Variants in SLC8A1 observed in about 807,000 individuals in gnomAD.
SLC8A1 encodes the protein sodium/calcium exchanger 1.
In SLC8A1, 18 loss-of-function variants were observed where a neutral mutation model predicts 68.3. That is an observed-to-expected ratio of 0.26 (90% CI 0.18 to 0.39). The LOEUF (loss-of-function observed/expected upper bound fraction) is 0.39, where lower values mean the gene tolerates loss of function less well. SLC8A1 is among the 10% of genes least tolerant of loss of function. The pLI, the probability that SLC8A1 is intolerant of heterozygous loss-of-function variation, is 1.00. For missense variants in SLC8A1, 985 were observed against 1,156.7 expected, an observed-to-expected ratio of 0.85 and a Z score of 2.15; for synonymous variants, 475 against 415.5, an observed-to-expected ratio of 1.14 and a Z score of -1.74.
intron 2 of SLC8A1, among the ~76,000 whole-genome samples, chr2:40,400,168 T>C (rs1298297531): frequency 6.6e-6 from 1 of 152,186 alleles, no homozygotes; most frequent in Non-Finnish European, 1.5e-5. Context: ...AGCTCGGCTC[T>C]TGAGACAGGA....
At chr2:40,444,198 G>A (rs539711668) in intron 1 of SLC8A1, among the ~76,000 whole-genome samples, 14 of 152,130 alleles carry the variant, frequency 9.2e-5, no homozygotes, top group African/African-American at 3.4e-4. Context: ...AATTAGCCAG[G>A]CACAGTGACA....
At chr2:40,337,666 T>A (rs1346365448) in intron 2 of SLC8A1, among the ~76,000 whole-genome samples, 2 of 152,160 alleles carry the variant, frequency 1.3e-5, no homozygotes, top group Non-Finnish European at 2.9e-5. Context: ...AGGTTTCCAT[T>A]CCATTTATTT....
At chr2:40,103,372 G>A (rs936215647) in exon 8 of SLC8A1, 2 of 152,142 alleles carry the variant, frequency 1.3e-5, no homozygotes, top group Non-Finnish European at 1.5e-5. Flanking sequence ...TGAGATTTAA[G>A]TCTTTTGTGA....
At chr2:40,371,584 A>G (rs943003406) in intron 2 of SLC8A1, among the ~76,000 whole-genome samples, 6 of 152,152 alleles carry the variant, frequency 3.9e-5, no homozygotes, top group African/African-American at 1.2e-4. Context: ...GTAAAGCACA[A>G]TACATAGTCA....
At chr2:40,456,247 C>T (rs552340958), upstream of SLC8A1, among the ~76,000 whole-genome samples, 10 of 137,538 alleles carry the variant, frequency 7.3e-5, no homozygotes, top group Admixed American at 2.5e-4. Context: ...ACCCAGGAGG[C>T]GGAGCTTGCA....
At chr2:40,132,913 T>A (rs1315763601) in intron 7 of SLC8A1, among the ~76,000 whole-genome samples, 5 of 152,216 alleles carry the variant, frequency 3.3e-5, no homozygotes, top group African/African-American at 1.2e-4. Context: ...GCTCAAAACT[T>A]TTCCCATTTA....
Position 40,345,897 on chromosome 2 carries a change from G to A in SLC8A1, c.1808+82576C>T, listed in dbSNP as rs144947627. Among the ~76,000 whole-genome samples the A allele has an allele frequency of 2.2e-3, 329 of 151,962 alleles. 2 individuals are homozygous for A. The highest frequency in any genetic ancestry group is 5.6e-3 in the East Asian group (29 of 5,170). On this transcript the variant is annotated intron_variant, in intron 2 of 7. Transcript: ENST00000406785. ...ATTAGGACAAATACCTAATGCACGC[G>A]GAGCTTAAAACCTAAATTACAGGTT...
intron 2 of SLC8A1, among the ~76,000 whole-genome samples, chr2:40,233,920 T>C (rs936316135): frequency 3.3e-5 from 5 of 151,818 alleles, no homozygotes; most frequent in Non-Finnish European, 7.4e-5. Context: ...TATGCGGCAT[T>C]ATTTCTGAGG....
intron 1 of SLC8A1, among the ~76,000 whole-genome samples, chr2:40,502,047 A>G (rs540890301): frequency 6.6e-6 from 1 of 152,212 alleles, no homozygotes; most frequent in South Asian, 2.1e-4. Flanking sequence ...CCCAGCATCC[A>G]TAGCAATCCT....
chr2:40,431,329 A>G (rs923466222), intron 1 of SLC8A1, among the ~76,000 whole-genome samples: 2 of 152,084 alleles, frequency 1.3e-5, no homozygotes, highest in Admixed American at 6.6e-5. Context: ...CAAAAAATGC[A>G]GGACCAATAA....
At chr2:40,338,070 T>C (rs1470664350) in intron 2 of SLC8A1, among the ~76,000 whole-genome samples, 3 of 151,888 alleles carry the variant, frequency 2.0e-5, no homozygotes, top group African/African-American at 4.8e-5. Context: ...CTGTCTTAAG[T>C]TTCTCTCTAT....
chr2:40,491,303 A>G (rs1430385425), intron 1 of SLC8A1, among the ~76,000 whole-genome samples: 1 of 152,082 alleles, frequency 6.6e-6, no homozygotes, highest in East Asian at 1.9e-4. Flanking sequence ...ATTGGTGTAT[A>G]AGAATGCTTG....
At chr2:40,426,502 A>C (rs535224575) in intron 2 of SLC8A1, among the ~76,000 whole-genome samples, 11 of 152,024 alleles carry the variant, frequency 7.2e-5, no homozygotes, top group Admixed American at 2.6e-4. Flanking sequence ...ATCCTTTTTA[A>C]AAATCCTTTT....
Position 40,168,432 on chromosome 2 carries a change from G to A in SLC8A1, c.1931-3448C>T, listed in dbSNP as rs1460068825. 2.0e-5 allele frequency among the ~76,000 whole-genome samples: 3 copies of A among 152,216 alleles called. No homozygotes were observed. In the East Asian group the frequency reaches 5.8e-4, roughly 29 times the overall value. On this transcript the variant is annotated intron_variant, in intron 4 of 7. Transcript: ENST00000406785. The stretch of plus-strand genomic sequence containing the variant: ...ACAGGGTCATGGAAGGGTCAGGGCA[G>A]TTTTGACTTAAGTATCATAAACTTT...
intron 2 of SLC8A1, among the ~76,000 whole-genome samples, chr2:40,404,388 A>G (rs924919361): frequency 1.3e-5 from 2 of 152,214 alleles, no homozygotes; most frequent in Non-Finnish European, 2.9e-5. Context: ...TAATGCAACA[A>G]TTTTGCTGAT....
chr2:40,115,244 A>C, exon 8 of SLC8A1: 4 of 1,591,050 alleles, frequency 2.5e-6, no homozygotes, highest in Non-Finnish European at 3.4e-6. Context: ...ACTATATCTG[A>C]TAGTTCCTTT....
chr2:40,134,758 C>G (rs923574966), intron 7 of SLC8A1, among the ~76,000 whole-genome samples: 1 of 152,166 alleles, frequency 6.6e-6, no homozygotes, highest in Non-Finnish European at 1.5e-5. Context: ...CATGTATTTA[C>G]ATATACAACC....
At chr2:40,389,324 G>C (rs535784317) in intron 2 of SLC8A1, among the ~76,000 whole-genome samples, 1 of 152,076 alleles carries the variant, frequency 6.6e-6, no homozygotes, top group East Asian at 1.9e-4. Flanking sequence ...ATTTAGTAGA[G>C]GGTGATATGA....
At chr2:40,450,574 G>A (rs555959421) in intron 1 of SLC8A1, among the ~76,000 whole-genome samples, 4 of 152,142 alleles carry the variant, frequency 2.6e-5, no homozygotes, top group Admixed American at 2.6e-4. Flanking sequence ...GCTCCTCCAT[G>A]ATCAGGACGC....
Sources: allele counts gnomAD v4.1 joint callset (sites outside exome capture counted in the v4.1 genomes callset), GRCh38; gene constraint gnomAD v4.1.1; transcripts MANE v1.5; gene names NCBI Gene and HGNC (gene_info 2026-07-23, HGNC 2026-07-21).